Variants in DOK6 observed in about 807,000 individuals in gnomAD.
The protein encoded by DOK6 is docking protein 6.
A neutral mutation model predicts 44.0 loss-of-function variants in DOK6; 22 were observed. The observed-to-expected ratio is 0.50, with a 90% CI of 0.36 to 0.71. The LOEUF (loss-of-function observed/expected upper bound fraction) is 0.71, where lower values mean the gene tolerates loss of function less well. Ranked by LOEUF, DOK6 falls within the 30% of genes least tolerant of loss-of-function variation. The pLI is 0.00. For synonymous variants in DOK6, 166 were observed against 145.5 expected, an observed-to-expected ratio of 1.14 and a Z score of -1.01; for missense variants, 340 against 416.4, an observed-to-expected ratio of 0.82 and a Z score of 1.60.
chr18:69,509,123 C>T (rs530955523), intron 1 of DOK6, among the ~76,000 whole-genome samples: 182 of 152,310 alleles, frequency 1.2e-3, no homozygotes, highest in African/African-American at 4.2e-3. Context: ...CACACCCTGT[C>T]CACCTGGTTG....
At chr18:69,627,692 G>A (rs1019088551) in intron 3 of DOK6, among the ~76,000 whole-genome samples, 11 of 152,002 alleles carry the variant, frequency 7.2e-5, no homozygotes, top group Middle Eastern at 3.4e-3. Context: ...CTTGTGATCC[G>A]CCCGCCTCGG....
At chr18:69,443,212 T>C (rs932789336) in intron 1 of DOK6, among the ~76,000 whole-genome samples, 1 of 152,162 alleles carries the variant, frequency 6.6e-6, no homozygotes, top group Non-Finnish European at 1.5e-5. Context: ...AATAGCTCTG[T>C]ATGACTAGAA....
intron 1 of DOK6, among the ~76,000 whole-genome samples, chr18:69,542,230 C>A (rs1298422934): frequency 6.7e-6 from 1 of 148,424 alleles, no homozygotes; most frequent in Non-Finnish European, 1.5e-5. Context: ...GCAAACTTAA[C>A]AATAATTTAG....
intron 3 of DOK6, among the ~76,000 whole-genome samples, chr18:69,635,101 C>A (rs1568317505): frequency 6.6e-6 from 1 of 152,216 alleles, no homozygotes; most frequent in Non-Finnish European, 1.5e-5. Flanking sequence ...GCAGTGCACA[C>A]ACTCTGTGGC....
At chr18:69,406,129 T>G (rs1237332933) in intron 1 of DOK6, among the ~76,000 whole-genome samples, 7 of 152,134 alleles carry the variant, frequency 4.6e-5, no homozygotes, top group African/African-American at 1.7e-4. Flanking sequence ...TGTGTAGATT[T>G]GCCACTTACT....
chr18:69,442,959 T>A (rs143021989), intron 1 of DOK6, among the ~76,000 whole-genome samples: 43 of 152,318 alleles, frequency 2.8e-4, no homozygotes, highest in African/African-American at 1.0e-3. Context: ...AATAAATGCT[T>A]GTTTAATTTA....
chr18:69,514,332 A>T (rs1182310202), intron 1 of DOK6, among the ~76,000 whole-genome samples: 2 of 152,154 alleles, frequency 1.3e-5, no homozygotes, highest in Non-Finnish European at 2.9e-5. Context: ...CTCCTTTGCC[A>T]TCCTCTTGAA....
chr18:69,622,623 C>T (rs1223821119), intron 3 of DOK6, among the ~76,000 whole-genome samples: 1 of 152,120 alleles, frequency 6.6e-6, no homozygotes, highest in Non-Finnish European at 1.5e-5. Flanking sequence ...AGGCAGATGT[C>T]AGCAGAAAAT....
intron 1 of DOK6, among the ~76,000 whole-genome samples, chr18:69,475,406 G>A (rs2144525584): frequency 6.6e-6 from 1 of 152,212 alleles, no homozygotes; most frequent in East Asian, 1.9e-4. Flanking sequence ...CCCCTAATGA[G>A]ACTGAAAAAA....
At chr18:69,411,606 C>G (rs777238076) in intron 1 of DOK6, among the ~76,000 whole-genome samples, 1 of 152,114 alleles carries the variant, frequency 6.6e-6, no homozygotes, top group Non-Finnish European at 1.5e-5. Flanking sequence ...TTTCTTCTGT[C>G]TGCTTTTAAC....
chr18:69,741,637 C>CAG (rs1035372333), intron 6 of DOK6, among the ~76,000 whole-genome samples: 1 of 152,062 alleles, frequency 6.6e-6, no homozygotes, highest in Non-Finnish European at 1.5e-5. Flanking sequence ...GCTGGTACTA[C>CAG]AGGCCTGCAC....
At chr18:69,566,614 A>C (rs1371530701) in intron 2 of DOK6, among the ~76,000 whole-genome samples, 1 of 152,202 alleles carries the variant, frequency 6.6e-6, no homozygotes, top group Non-Finnish European at 1.5e-5. Flanking sequence ...TACGCTAGGC[A>C]TTCCACTCCT....
At chr18:69,489,715 C>T (rs944647323) in intron 1 of DOK6, among the ~76,000 whole-genome samples, 1 of 152,000 alleles carries the variant, frequency 6.6e-6, no homozygotes, top group Non-Finnish European at 1.5e-5. Context: ...TAATGCATAT[C>T]GAAAGCCCTG....
At chr18:69,402,367 G>C (rs186316502) in intron 1 of DOK6, among the ~76,000 whole-genome samples, 4 of 152,306 alleles carry the variant, frequency 2.6e-5, no homozygotes, top group Admixed American at 6.5e-5. Context: ...CTGATGACTG[G>C]ATGAATCCTC....
At chr18:69,693,985 G>C (rs1395046510) in intron 4 of DOK6, among the ~76,000 whole-genome samples, 6 of 146,798 alleles carry the variant, frequency 4.1e-5, no homozygotes, top group Non-Finnish European at 8.9e-5. Flanking sequence ...CGTGAACCCG[G>C]GAGGCGGAGC....
At chr18:69,440,689 A>G (rs761348576) in intron 1 of DOK6, among the ~76,000 whole-genome samples, 2 of 151,946 alleles carry the variant, frequency 1.3e-5, no homozygotes, top group African/African-American at 2.4e-5. Context: ...AGTCTCTCCA[A>G]TATCTCACTT....
intron 2 of DOK6, among the ~76,000 whole-genome samples, chr18:69,594,600 A>G (rs972764343): frequency 6.6e-6 from 1 of 151,936 alleles, no homozygotes; most frequent in South Asian, 2.1e-4. Context: ...AAAAAAAAAA[A>G]AAAGAAAGAA....
chr18:69,582,338 C>G (rs1035412868), intron 2 of DOK6, among the ~76,000 whole-genome samples: 1 of 152,094 alleles, frequency 6.6e-6, no homozygotes, highest in Non-Finnish European at 1.5e-5. Context: ...ATAAAGAAAC[C>G]TGAATATTAT....
At chr18:69,812,369 T>C (rs1285960884) in intron 7 of DOK6, among the ~76,000 whole-genome samples, 2 of 152,158 alleles carry the variant, frequency 1.3e-5, no homozygotes, top group Non-Finnish European at 2.9e-5. Context: ...TCTGTGATAA[T>C]AAATTATATC....
Sources: allele counts gnomAD v4.1 joint callset (sites outside exome capture counted in the v4.1 genomes callset), GRCh38; gene constraint gnomAD v4.1.1; transcripts MANE v1.5; gene names NCBI Gene and HGNC (gene_info 2026-07-23, HGNC 2026-07-21).